Variants in CDH18 observed in about 807,000 individuals in gnomAD.
CDH18 encodes cadherin 18.
In CDH18, 31 loss-of-function variants were observed where a neutral mutation model predicts 67.9. That is an observed-to-expected ratio of 0.46 (90% CI 0.34 to 0.62). CDH18 has a LOEUF of 0.62. Ranked by LOEUF, CDH18 falls within the 20% of genes least tolerant of loss-of-function variation. The pLI is 0.01. For synonymous variants in CDH18, 362 were observed against 347.2 expected (o/e 1.04, Z -0.48); for missense variants, 890 against 975.5 (o/e 0.91, Z 1.17).
chr5:19,700,571 T>C (rs898632167), intron 5 of CDH18, among the ~76,000 whole-genome samples: 1 of 152,174 alleles, frequency 6.6e-6, no homozygotes, highest in Non-Finnish European at 1.5e-5. Flanking sequence ...CAGAGAAGGA[T>C]TGTGAGCAGA....
intron 1 of CDH18, among the ~76,000 whole-genome samples, chr5:20,458,523 C>T (rs1399746308): frequency 6.6e-6 from 1 of 152,066 alleles, no homozygotes; most frequent in Non-Finnish European, 1.5e-5. Flanking sequence ...GATGCTGAGG[C>T]AGGAGAATTG....
At chr5:19,715,126 G>T (rs747863077) in intron 5 of CDH18, among the ~76,000 whole-genome samples, 1 of 152,074 alleles carries the variant, frequency 6.6e-6, no homozygotes, top group Non-Finnish European at 1.5e-5. Context: ...TTCCAAAGAT[G>T]CTTTATATAG....
At chr5:20,300,303 C>CGTGTGT (rs67689740) in intron 1 of CDH18, among the ~76,000 whole-genome samples, 6,931 of 148,542 alleles carry the variant, frequency 0.047, 235 homozygotes, top group African/African-American at 0.092. Context: ...TGTGTGTGTG[C>CGTGTGT]GTGTGTGTGT....
At chr5:20,389,679 A>T (rs1478366264) in intron 1 of CDH18, among the ~76,000 whole-genome samples, 1 of 152,164 alleles carries the variant, frequency 6.6e-6, no homozygotes, top group Non-Finnish European at 1.5e-5. Context: ...CGCATCGCCA[A>T]GTCAATCCTA....
intron 2 of CDH18, among the ~76,000 whole-genome samples, chr5:19,855,739 T>C (rs1784217477): frequency 6.6e-6 from 1 of 152,124 alleles, no homozygotes; most frequent in South Asian, 2.1e-4. Context: ...CCTTTTTAGC[T>C]ACAACAGATA....
At chr5:20,567,897 A>T (rs1222024749) in intron 1 of CDH18, among the ~76,000 whole-genome samples, 2 of 152,146 alleles carry the variant, frequency 1.3e-5, no homozygotes, top group Admixed American at 6.5e-5. Context: ...ATAAAATGTC[A>T]TATTTAGGAC....
intron 2 of CDH18, among the ~76,000 whole-genome samples, chr5:19,871,861 G>T (rs1425650716): frequency 6.6e-6 from 1 of 152,136 alleles, no homozygotes; most frequent in Non-Finnish European, 1.5e-5. Context: ...AGCTTGTGTG[G>T]ACCTTACTAA....
At position 20,018,940 on chromosome 5, in the gene CDH18, G is replaced by A. The variant is rs753976249; in HGVS notation, c.-517-26926C>T. 2.3e-4 allele frequency among the ~76,000 whole-genome samples: 34 copies of A among 150,088 alleles called. 1 individual carries two copies. The highest frequency in any genetic ancestry group is 9.2e-4 in the Admixed American group (14 of 15,148). ...CTCCCGTGTAGCTGGGACTACAGGC[G>A]CGCGCCACCATGCCCGGCTAATTTT... is the stretch of plus-strand genomic sequence containing the variant. On this transcript the variant is annotated intron_variant, in intron 2 of 14. Transcript: ENST00000507958.
At chr5:19,787,448 T>C (rs1775924929) in intron 3 of CDH18, among the ~76,000 whole-genome samples, 1 of 148,754 alleles carries the variant, frequency 6.7e-6, no homozygotes, top group African/African-American at 2.5e-5. Flanking sequence ...CGAGACTGTT[T>C]CAAAAAAAAA....
intron 1 of CDH18, among the ~76,000 whole-genome samples, chr5:20,297,255 T>C (rs1439757279): frequency 1.3e-5 from 2 of 152,252 alleles, no homozygotes; most frequent in Admixed American, 1.3e-4. Flanking sequence ...TCTTCTGAAT[T>C]GCTGCATATA....
intron 1 of CDH18, among the ~76,000 whole-genome samples, chr5:20,515,843 G>A (rs1022017089): frequency 6.6e-6 from 1 of 151,866 alleles, no homozygotes; most frequent in South Asian, 2.1e-4. Flanking sequence ...TCTTACTTTC[G>A]CATCTATGAA....
intron 1 of CDH18, among the ~76,000 whole-genome samples, chr5:20,536,664 C>T (rs942987390): frequency 2.6e-5 from 4 of 152,034 alleles, no homozygotes; most frequent in African/African-American, 4.8e-5. Flanking sequence ...TAATAGGCAA[C>T]GATTTTCAGA....
chr5:19,742,792 G>A (rs1050720911), intron 4 of CDH18, among the ~76,000 whole-genome samples: 15 of 151,916 alleles, frequency 9.9e-5, no homozygotes, highest in African/African-American at 3.4e-4. Context: ...TAAGGAGAGA[G>A]ATTGTTTTAA....
rs184955047 is a variant in CDH18, at chr5:20,540,955, T to C, written c.-580+34507A>G. Among the ~76,000 whole-genome samples the C allele has an allele frequency of 3.3e-5, 5 of 152,322 alleles. No individual in the cohort carries two copies. In the East Asian group the frequency reaches 5.8e-4, roughly 18 times the overall value. ...CTCCTTAGGGAAACTTGTCAATCAG[T>C]GAAGACATTAGTGATGACTGAGGAA... On this transcript the variant is annotated intron_variant, in intron 1 of 14. Coordinates refer to the CDH18 transcript ENST00000507958.
chr5:20,121,195 C>T (rs1427373585), intron 2 of CDH18, among the ~76,000 whole-genome samples: 1 of 152,014 alleles, frequency 6.6e-6, no homozygotes, highest in African/African-American at 2.4e-5. Flanking sequence ...TGTGATTCTC[C>T]CAGGTGTTTC....
chr5:19,542,926 C>A (rs1750504500), intron 9 of CDH18, among the ~76,000 whole-genome samples: 1 of 151,802 alleles, frequency 6.6e-6, no homozygotes, highest in Non-Finnish European at 1.5e-5. Flanking sequence ...AATTGTATAT[C>A]AATGAAGCTG....
At chr5:20,477,296 A>G (rs1311027134) in intron 1 of CDH18, among the ~76,000 whole-genome samples, 2 of 152,146 alleles carry the variant, frequency 1.3e-5, no homozygotes, top group African/African-American at 4.8e-5. Flanking sequence ...TAAACAACCA[A>G]CCACACAAGA....
At chr5:20,156,827 A>AAACAAAC (rs1751569523) in intron 2 of CDH18, among the ~76,000 whole-genome samples, 1 of 152,226 alleles carries the variant, frequency 6.6e-6, no homozygotes, top group African/African-American at 2.4e-5. Flanking sequence ...AACCTTTTAA[A>AAACAAAC]AACAAACAAT....
intron 4 of CDH18, among the ~76,000 whole-genome samples, chr5:19,724,713 A>C (rs560405370): frequency 6.6e-6 from 1 of 152,166 alleles, no homozygotes; most frequent in East Asian, 1.9e-4. Context: ...TCAAAATTAC[A>C]AGTATTAGAG....
Sources: allele counts gnomAD v4.1 joint callset (sites outside exome capture counted in the v4.1 genomes callset), GRCh38; gene constraint gnomAD v4.1.1; transcripts MANE v1.5; gene names NCBI Gene and HGNC (gene_info 2026-07-23, HGNC 2026-07-21).